ZBTB16: variants seen among roughly 807,000 people sequenced by gnomAD.
The protein encoded by ZBTB16 is zinc finger and BTB domain containing 16, also known as zinc finger and BTB domain-containing protein 16.
A neutral mutation model predicts 56.8 loss-of-function variants in ZBTB16; 8 were observed. That is an observed-to-expected ratio of 0.14 (90% CI 0.08 to 0.25). The LOEUF (loss-of-function observed/expected upper bound fraction) is 0.25, where lower values mean the gene tolerates loss of function less well. Ranked by LOEUF, ZBTB16 falls within the 10% of genes least tolerant of loss-of-function variation. ZBTB16 has a pLI of 1.00. For missense variants in ZBTB16, 625 were observed against 903.0 expected (o/e 0.69, Z 3.95); for synonymous variants, 363 against 368.5 (o/e 0.98, Z 0.17).
intron 2 of ZBTB16, among the ~76,000 whole-genome samples, chr11:114,142,370 G>A (rs918421551): frequency 1.3e-5 from 2 of 152,174 alleles, no homozygotes; most frequent in Non-Finnish European, 2.9e-5. Context: ...ATTGCACAAC[G>A]GATTGCCTAG....
At position 114,139,913 on chromosome 11, in the gene ZBTB16, A is replaced by T. The variant is rs1348004476; in HGVS notation, c.1269-16424A>T. On this transcript the variant is annotated intron_variant, in intron 2 of 6. Coordinates refer to ENST00000335953, the MANE Select transcript of ZBTB16 (RefSeq NM_006006.6). ...GTTCTGTAGTACCATATGTCAGGAT[A>T]GGAAGGACGGCACCGAGGGCTCCTA... 2.0e-5 allele frequency among the ~76,000 whole-genome samples: 3 copies of T among 152,262 alleles called. No individual in the cohort carries two copies. The East Asian group carries it at 5.8e-4, about 29-fold the overall frequency.
chr11:114,086,972 C>G lies in ZBTB16; in HGVS notation c.1268+22404C>G, dbSNP rs369434833. Among the ~76,000 whole-genome samples, 15 of 152,302 alleles carry G rather than the reference C, an allele frequency of 9.8e-5. No homozygotes were observed. The East Asian group carries it at 1.7e-3, about 18-fold the overall frequency. ...CCTCCTGTTCCTGCCAACTTCTCCC[C>G]CTCCTCCTCTGGTATTTCCTGGAAC... On this transcript the variant is annotated intron_variant, in intron 2 of 6. Coordinates refer to ENST00000335953, the MANE Select transcript of ZBTB16 (RefSeq NM_006006.6).
chr11:114,144,710 G>T lies in ZBTB16; in HGVS notation c.1269-11627G>T, dbSNP rs114311465. Among the ~76,000 whole-genome samples, 846 of 152,294 alleles carry T rather than the reference G, an allele frequency of 5.6e-3. 9 individuals carry two copies. Among genetic ancestry groups the T allele is most frequent in the African/African-American group, 0.02 (811 of 41,546 alleles). On this transcript the variant is annotated intron_variant, in intron 2 of 6. Transcript: ENST00000335953. ...GCTTGCCTGGGATATTTTTGTTCATGCGTTTATGTTTTAATTATTATTAAG... is the reference window on the plus strand; with the variant it reads ...GCTTGCCTGGGATATTTTTGTTCATTCGTTTATGTTTTAATTATTATTAAG...
chr11:114,215,685 G>A (rs973895915), intron 4 of ZBTB16, among the ~76,000 whole-genome samples: 12 of 152,332 alleles, frequency 7.9e-5, no homozygotes, highest in Middle Eastern at 6.8e-3. Context: ...ACTGATAACT[G>A]TCCATCTCTG....
chr11:114,250,378 G>A lies in ZBTB16; in HGVS notation c.1845G>A (p.Ser615=), dbSNP rs1407224539. The change falls in exon 7 of 7, where the codon TCG becomes TCA. Residue 615 remains serine, a synonymous_variant. Coordinates refer to ENST00000335953, the MANE Select transcript of ZBTB16 (RefSeq NM_006006.6). The surrounding 1 kb of genome is among the most constrained non-coding windows in gnomAD (Gnocchi z 6.0). The stretch of plus-strand genomic sequence containing the variant: ...GCCACCAGCGCTCCCGGGACTACTC[G>A]GCCATGATCAAGCACCTGAGAACGC... ...KLCHQRSRDY[S]AMIKHLRTHN... The A allele has an allele frequency of 5.6e-6, 9 of 1,613,838 alleles. No individual in the cohort carries two copies. Among genetic ancestry groups the A allele is most frequent in the East Asian group, 2.2e-5 (1 of 44,880 alleles).
rs144876037 is a variant in ZBTB16 at position 114,075,737 on chromosome 11, C to T, written c.1268+11169C>T. On this transcript the variant is annotated intron_variant, in intron 2 of 6. Coordinates refer to ENST00000335953, the MANE Select transcript of ZBTB16 (RefSeq NM_006006.6). ...CTGCCTGTCTCAGCCTCCTAAAGTG[C>T]TGGGATTATAGGTGTGAGCCACTGC... 2.4e-3 allele frequency among the ~76,000 whole-genome samples: 370 copies of T among 152,008 alleles called. 1 individual carries two copies. The highest frequency in any genetic ancestry group is 8.3e-3 in the African/African-American group (343 of 41,368).
At chr11:114,115,996 C>T (rs1398498584) in intron 2 of ZBTB16, among the ~76,000 whole-genome samples, 2 of 152,342 alleles carry the variant, frequency 1.3e-5, no homozygotes, top group East Asian at 1.9e-4. Context: ...ATCAAAACCA[C>T]TGGAAGCAAT....
At chr11:114,108,719 C>T (rs1376373902) in intron 2 of ZBTB16, among the ~76,000 whole-genome samples, 1 of 152,236 alleles carries the variant, frequency 6.6e-6, no homozygotes, top group African/African-American at 2.4e-5. Context: ...GTCCCTGCAA[C>T]AGGCCTCTGG....
At chr11:114,102,548 C>T (rs764819775) in intron 2 of ZBTB16, among the ~76,000 whole-genome samples, 1 of 151,526 alleles carries the variant, frequency 6.6e-6, no homozygotes. Flanking sequence ...AAGTCCCCCC[C>T]ACCCCCCGGC....
At chr11:114,111,762 G>A (rs951144012) in intron 2 of ZBTB16, among the ~76,000 whole-genome samples, 1 of 152,126 alleles carries the variant, frequency 6.6e-6, no homozygotes, top group African/African-American at 2.4e-5. Flanking sequence ...CCCTCTCCTG[G>A]TGCTATTGGT....
At chr11:114,124,285 A>G (rs1479190692) in intron 2 of ZBTB16, among the ~76,000 whole-genome samples, 5 of 152,106 alleles carry the variant, frequency 3.3e-5, no homozygotes, top group Non-Finnish European at 7.4e-5. Context: ...GGTTATTAGA[A>G]GAAGAGGGGC....
At chr11:114,065,667 C>T (rs1002311025) in intron 2 of ZBTB16, among the ~76,000 whole-genome samples, 6 of 152,180 alleles carry the variant, frequency 3.9e-5, no homozygotes, top group African/African-American at 7.2e-5. Context: ...CGGCCTGCTT[C>T]GGCCTCCCAA....
At chr11:114,246,228 G>A (rs73007089) in intron 5 of ZBTB16, among the ~76,000 whole-genome samples, 2 of 152,152 alleles carry the variant, frequency 1.3e-5, no homozygotes, top group African/African-American at 4.8e-5. Context: ...TATCCTGGTG[G>A]TGCTTCCATG....
At chr11:114,065,295 G>C (rs538185652) in intron 2 of ZBTB16, among the ~76,000 whole-genome samples, 1 of 152,158 alleles carries the variant, frequency 6.6e-6, no homozygotes, top group Non-Finnish European at 1.5e-5. Flanking sequence ...GCTTCCCTCC[G>C]GCTTCCGTTT....
intron 4 of ZBTB16, among the ~76,000 whole-genome samples, chr11:114,226,218 C>G (rs991629473): frequency 6.6e-6 from 1 of 152,130 alleles, no homozygotes; most frequent in African/African-American, 2.4e-5. Context: ...CATAAAGTAA[C>G]TCTCTAATGC....
At chr11:114,247,141 C>A in intron 5 of ZBTB16, 57 bp from the exon 6 acceptor site, 1 of 1,612,602 alleles carries the variant, frequency 6.2e-7, no homozygotes, top group East Asian at 2.2e-5. Flanking sequence ...GCCCTACTGT[C>A]CCCTGAAGAG....
In ZBTB16 at chr11:114,202,587, G is replaced by T. The variant is rs541276022; in HGVS notation, c.1453+15549G>T. On this transcript the variant is annotated intron_variant, in intron 4 of 6. Transcript: ENST00000335953. ...CCGTAAATAATGCAGATATTTGGGCGTGGGAGAAACAAATAATATCAATAT... is the reference window on the plus strand; with the variant it reads ...CCGTAAATAATGCAGATATTTGGGCTTGGGAGAAACAAATAATATCAATAT... Among the ~76,000 whole-genome samples the T allele has an allele frequency of 8.7e-4, 132 of 152,330 alleles. 1 individual carries two copies. Among genetic ancestry groups the T allele is most frequent in the Non-Finnish European group, 1.6e-3 (108 of 68,036 alleles).
At chr11:114,180,916 C>A (rs1424006011) in intron 3 of ZBTB16, 1 of 152,248 alleles carries the variant, frequency 6.6e-6, no homozygotes. Flanking sequence ...GCTCCAGGGG[C>A]TTGTCCAGAG....
chr11:114,180,546 T>C (rs1943224117), intron 3 of ZBTB16, among the ~76,000 whole-genome samples: 1 of 152,158 alleles, frequency 6.6e-6, no homozygotes, highest in Non-Finnish European at 1.5e-5. Flanking sequence ...TCCTAACCTT[T>C]CCTCCCTTTT....
Sources: allele counts gnomAD v4.1 joint callset (sites outside exome capture counted in the v4.1 genomes callset), GRCh38; gene constraint gnomAD v4.1.1; non-coding constraint Gnocchi (gnomAD v3.1); transcripts MANE v1.5; gene names NCBI Gene and HGNC (gene_info 2026-07-23, HGNC 2026-07-21).